Variants in SORBS2 observed in about 807,000 individuals in gnomAD.
SORBS2 encodes sorbin and SH3 domain-containing protein 2.
In SORBS2, 46 loss-of-function variants were observed where a neutral mutation model predicts 97.7. The observed-to-expected ratio is 0.47, with a 90% CI of 0.37 to 0.60. The LOEUF (loss-of-function observed/expected upper bound fraction) is 0.60. Ranked by LOEUF, SORBS2 falls within the 20% of genes least tolerant of loss-of-function variation. The probability of loss-of-function intolerance (pLI) is 0.00; values close to 1 mark genes in which losing one functional copy is unlikely to be tolerated. For missense variants in SORBS2, 1,316 were observed against 1,282.3 expected (o/e 1.03, Z -0.40); for synonymous variants, 476 against 473.4 (o/e 1.01, Z -0.07).
At chr4:185,838,370 C>A (rs891161512) in intron 1 of SORBS2, among the ~76,000 whole-genome samples, 1 of 152,250 alleles carries the variant, frequency 6.6e-6, no homozygotes, top group Admixed American at 6.5e-5. Context: ...CACCATCATG[C>A]CAGGGGCGTC....
At chr4:185,638,951 C>T in intron 4 of SORBS2, 4 of 1,523,314 alleles carry the variant, frequency 2.6e-6, no homozygotes, top group Non-Finnish European at 3.5e-6. Flanking sequence ...GAGGGGCTAC[C>T]AGTGACTTCT....
chr4:185,819,834 T>C (rs868115981), intron 1 of SORBS2, among the ~76,000 whole-genome samples: 2 of 152,214 alleles, frequency 1.3e-5, no homozygotes, highest in African/African-American at 4.8e-5. Flanking sequence ...TTCATATCAA[T>C]ATCTCAAAGT....
chr4:185,778,968 T>C (rs1320711307), intron 1 of SORBS2, among the ~76,000 whole-genome samples: 1 of 152,182 alleles, frequency 6.6e-6, no homozygotes, highest in East Asian at 1.9e-4. Flanking sequence ...CTGAATAACC[T>C]CATTAGTTTG....
intron 2 of SORBS2, among the ~76,000 whole-genome samples, chr4:185,718,199 T>C (rs2098482050): frequency 6.6e-6 from 1 of 151,856 alleles, no homozygotes; most frequent in Non-Finnish European, 1.5e-5. Context: ...CCATTGCACT[T>C]CAGCCTGGGT....
intron 2 of SORBS2, among the ~76,000 whole-genome samples, chr4:185,649,860 A>G (rs2097282502): frequency 6.6e-6 from 1 of 152,200 alleles, no homozygotes; most frequent in Non-Finnish European, 1.5e-5. Context: ...ATTAATTACA[A>G]ATTTATTCTG....
In SORBS2 at chr4:185,623,214, G is replaced by A. The variant is rs1561475821; in HGVS notation, c.1915C>T (p.Leu639Phe). ...TTAATTTGGTCACAGATGTCTTTAA[G>A]GGCAGAGTCCAGAGCCTCAAACACA... The change falls in exon 7 of 15, where the codon CTT becomes TTT. Residue 639 changes from leucine to phenylalanine, a missense_variant. Transcript: ENST00000418609. The surrounding 1 kb of genome is among the most constrained non-coding windows in gnomAD (Gnocchi z 6.4). 6.2e-7 allele frequency: 1 copy of A among 1,614,108 alleles called. No homozygotes were observed. The highest frequency in any genetic ancestry group is 2.2e-5 in the East Asian group (1 of 44,878).
intron 12 of SORBS2, among the ~76,000 whole-genome samples, chr4:185,601,915 A>G (rs1423154031): frequency 6.6e-6 from 1 of 152,196 alleles, no homozygotes; most frequent in East Asian, 1.9e-4. Flanking sequence ...CACTCTCCTC[A>G]CAGAGCTTCC....
intron 1 of SORBS2, among the ~76,000 whole-genome samples, chr4:185,955,673 A>G (rs1364250123): frequency 2.0e-5 from 3 of 152,216 alleles, no homozygotes; most frequent in South Asian, 2.1e-4. Context: ...TAATTAAGGC[A>G]TCTTAATTAT....
In SORBS2 at chr4:185,709,304, C is replaced by CCTTTTTTTTTTTTTTTT. The variant is rs1554199361; in HGVS notation, c.-197-30483_-197-30482insAAAAAAAAAAAAAAAAG. On this transcript the variant is annotated intron_variant, in intron 2 of 20. Coordinates refer to the SORBS2 transcript ENST00000284776. Reference sequence around the variant, plus strand: ...GCATGAGCCGCTGTGCTGGCCAAATCTTTTTTTTTTTTTTTTTTTTAGTAA... The same window carrying CCTTTTTTTTTTTTTTTT: ...GCATGAGCCGCTGTGCTGGCCAAATCCTTTTTTTTTTTTTTTTTTTTTTTTTTTTTTTTTTTTAGTAA... Among the ~76,000 whole-genome samples, 269 of 96,724 alleles carry CCTTTTTTTTTTTTTTTT rather than the reference C, an allele frequency of 2.8e-3. 33 individuals are homozygous for CCTTTTTTTTTTTTTTTT. Among genetic ancestry groups the CCTTTTTTTTTTTTTTTT allele is most frequent in the South Asian group, 9.5e-3 (27 of 2,846 alleles). 63.5% of individuals were successfully genotyped at this position (96,724 alleles called of 152,430 possible). A position where few individuals can be genotyped will look rare whatever the true frequency, so the allele number is the denominator to read the frequency against.
intron 11 of SORBS2, among the ~76,000 whole-genome samples, 165 bp from the exon 24 acceptor site, chr4:185,612,145 A>G (rs1384886515): frequency 6.6e-6 from 1 of 152,228 alleles, no homozygotes; most frequent in Non-Finnish European, 1.5e-5. Flanking sequence ...TGCTTACTAG[A>G]AAAATACACA....
chr4:185,621,744 CT>C (rs34333604), intron 7 of SORBS2, among the ~76,000 whole-genome samples: 30,395 of 151,236 alleles, frequency 0.2, 3,455 homozygotes, highest in African/African-American at 0.31. Flanking sequence ...TGAATTATGT[CT>C]TTTTTTTTGT....
At chr4:185,685,702 T>C (rs1373826217) in intron 2 of SORBS2, among the ~76,000 whole-genome samples, 7 of 152,148 alleles carry the variant, frequency 4.6e-5, no homozygotes, top group Admixed American at 4.6e-4. Context: ...TTTTAACTTT[T>C]TGTAGAGATG....
chr4:185,909,621 G>A (rs1004368589), intron 1 of SORBS2, among the ~76,000 whole-genome samples: 5 of 152,046 alleles, frequency 3.3e-5, no homozygotes, highest in Non-Finnish European at 7.4e-5. Flanking sequence ...CTTTATCATC[G>A]CATAAATGTA....
chr4:185,626,904 G>A (rs762504893), exon 6 of SORBS2: 3 of 1,614,108 alleles, frequency 1.9e-6, no homozygotes, highest in Non-Finnish European at 2.5e-6. Flanking sequence ...GATCCTGGGA[G>A]GTCCACTCGG....
At position 185,623,143 on chromosome 4, in the gene SORBS2, G is replaced by T. The variant is rs766294688; in HGVS notation, c.1986C>A (p.His662Gln). 39 of 1,614,046 alleles carry T rather than the reference G, an allele frequency of 2.4e-5. No homozygotes were observed. In the South Asian group the frequency reaches 3.6e-4, roughly 15 times the overall value. ...CTGGCAGCAGCTCACTGATGAGGCG[G>T]TGCAGGATGCTGTTGTCCGGCAAGC... is the stretch of plus-strand genomic sequence containing the variant. The change falls in exon 7 of 15, where the codon CAC becomes CAA. Residue 662 changes from histidine (H) to glutamine (Q), a missense_variant. Transcript: ENST00000418609. The surrounding 1 kb of genome is among the most constrained non-coding windows in gnomAD (Gnocchi z 6.4).
At chr4:185,660,401 C>A (rs984997452), upstream of SORBS2, among the ~76,000 whole-genome samples, 21 of 152,176 alleles carry the variant, frequency 1.4e-4, no homozygotes, top group Admixed American at 1.2e-3. Context: ...TAACACCACA[C>A]TATGGGCTGA....
At chr4:185,642,911 A>G (rs1269490586) in intron 4 of SORBS2, among the ~76,000 whole-genome samples, 1 of 152,260 alleles carries the variant, frequency 6.6e-6, no homozygotes, top group Non-Finnish European at 1.5e-5. Context: ...TATAGGCTTC[A>G]TGGATAAACA....
intron 1 of SORBS2, among the ~76,000 whole-genome samples, chr4:185,804,906 CCT>C (rs1200527899): frequency 6.6e-6 from 1 of 151,960 alleles, no homozygotes; most frequent in Non-Finnish European, 1.5e-5. Context: ...CAGACTGATA[CCT>C]CTTTCTGTCT....
intron 2 of SORBS2, among the ~76,000 whole-genome samples, chr4:185,742,323 G>C (rs992024024): frequency 6.6e-6 from 1 of 152,210 alleles, no homozygotes; most frequent in Non-Finnish European, 1.5e-5. Context: ...CAGACAGACT[G>C]CCTGGCTTTG....
Sources: allele counts gnomAD v4.1 joint callset (sites outside exome capture counted in the v4.1 genomes callset), GRCh38; gene constraint gnomAD v4.1.1; non-coding constraint Gnocchi (gnomAD v3.1); transcripts MANE v1.5; gene names NCBI Gene and HGNC (gene_info 2026-07-23, HGNC 2026-07-21).